CSTF3: variants seen among roughly 807,000 people sequenced by gnomAD.
The protein encoded by CSTF3 is cleavage stimulation factor subunit 3.
CSTF3 carries 29 observed loss-of-function variants against 105.8 expected under a neutral mutation model. That is an observed-to-expected ratio of 0.27 (90% CI 0.20 to 0.37). The LOEUF is 0.37. CSTF3 is among the 10% of genes least tolerant of loss of function. The pLI, the probability that CSTF3 is intolerant of heterozygous loss-of-function variation, is 1.00. For missense variants in CSTF3, 357 were observed against 879.3 expected (o/e 0.41, Z 7.51); for synonymous variants, 252 against 281.9 (o/e 0.89, Z 1.06).
chr11:33,122,705 T>C (rs1855502919), intron 3 of CSTF3, among the ~76,000 whole-genome samples: 1 of 151,642 alleles, frequency 6.6e-6, no homozygotes, highest in Non-Finnish European at 1.5e-5. Flanking sequence ...GACTGAGTCC[T>C]GGAGTTCAAG....
At chr11:33,106,227 T>C (rs1002544186) in intron 5 of CSTF3, among the ~76,000 whole-genome samples, 163 bp from the exon 6 acceptor site, 7 of 151,826 alleles carry the variant, frequency 4.6e-5, no homozygotes, top group East Asian at 1.9e-4. Flanking sequence ...CTGTGCAACA[T>C]AGCAAAACCC....
chr11:33,084,936 T>G lies in CSTF3; in HGVS notation c.*151A>C, dbSNP rs774788828. On this transcript the variant is annotated 3_prime_UTR_variant, in exon 21 of 21. Transcript: ENST00000323959. ...ATTCTAAAATTCACACAGGTTGGTT[T>G]GTTTTTTCTCAAGAACCATGTGATA... 5.1e-5 allele frequency: 42 copies of G among 825,384 alleles called. No individual in the cohort carries two copies. The Middle Eastern group carries it at 1.1e-3, about 22-fold the overall frequency. 51.1% of individuals were successfully genotyped at this position (825,384 alleles called of 1,614,324 possible). A position where few individuals can be genotyped will look rare whatever the true frequency, so the allele number is the denominator to read the frequency against.
intron 3 of CSTF3, among the ~76,000 whole-genome samples, chr11:33,127,182 T>C (rs527753704): frequency 1.3e-5 from 2 of 152,344 alleles, no homozygotes; most frequent in South Asian, 4.1e-4. Context: ...TTATCTATCA[T>C]GCAGACATTA....
chr11:33,161,453 A>T lies in CSTF3; in HGVS notation c.-128T>A. On this transcript the variant is annotated 5_prime_UTR_variant, in exon 1 of 21. In the 5' UTR this introduces an upstream ATG that the reference lacks. Coordinates refer to ENST00000323959, the MANE Select transcript of CSTF3 (RefSeq NM_001326.3). ...CAGCTGAGCCAGACCGCCAACACCA[A>T]TCGCCACCGCCCACTCAAATATGAA... 1 of 877,990 alleles carries T rather than the reference A, an allele frequency of 1.1e-6. No homozygotes were observed. Among genetic ancestry groups the T allele is most frequent in the Non-Finnish European group, 1.8e-6 (1 of 548,816 alleles). 54.4% of individuals were successfully genotyped at this position (877,990 alleles called of 1,614,324 possible). A position where few individuals can be genotyped will look rare whatever the true frequency, so the allele number is the denominator to read the frequency against.
chr11:33,096,687 C>T, intron 14 of CSTF3, 148 bp downstream of exon 14: 1 of 710,108 alleles, frequency 1.4e-6, no homozygotes, highest in Non-Finnish European at 2.3e-6. Flanking sequence ...TTGGATGATG[C>T]TCCATAAAAT....
intron 1 of CSTF3, 60 bp from the exon 2 acceptor site, chr11:33,142,046 T>C: frequency 1.9e-6 from 3 of 1,604,834 alleles, no homozygotes; most frequent in Non-Finnish European, 2.6e-6. Flanking sequence ...ATGCCTAACT[T>C]AATTCATGAA....
intron 5 of CSTF3, among the ~76,000 whole-genome samples, chr11:33,107,385 G>T (rs1468437874): frequency 1.3e-5 from 2 of 152,116 alleles, no homozygotes; most frequent in Non-Finnish European, 2.9e-5. Flanking sequence ...TTTAGTAACA[G>T]ACATAACTTG....
At chr11:33,108,797 A>C (rs1855351525) in intron 3 of CSTF3, among the ~76,000 whole-genome samples, 2 of 152,168 alleles carry the variant, frequency 1.3e-5, no homozygotes, top group Non-Finnish European at 2.9e-5. Context: ...TCTGAGCGGC[A>C]AAAAAGATAT....
intron 20 of CSTF3, 68 bp downstream of exon 20, chr11:33,085,645 A>G: frequency 7.2e-7 from 1 of 1,382,130 alleles, no homozygotes; most frequent in East Asian, 2.3e-5. Context: ...GGCAGAGAAT[A>G]ATAATCTCTA....
intron 3 of CSTF3, among the ~76,000 whole-genome samples, chr11:33,134,771 T>C (rs1043258264): frequency 6.6e-6 from 1 of 152,074 alleles, no homozygotes; most frequent in African/African-American, 2.4e-5. Flanking sequence ...TTTAAAATGG[T>C]TGAGAAACAC....
intron 3 of CSTF3, chr11:33,136,310 A>T (rs1328405047): frequency 6.6e-6 from 1 of 152,044 alleles, no homozygotes; most frequent in Non-Finnish European, 1.5e-5. Flanking sequence ...TGCTAGGAGC[A>T]AACCGGTTTA....
intron 1 of CSTF3, among the ~76,000 whole-genome samples, chr11:33,155,988 A>C (rs935720981): frequency 6.6e-6 from 1 of 152,220 alleles, no homozygotes; most frequent in Non-Finnish European, 1.5e-5. Context: ...TCCCTGAAAT[A>C]ATGTTGAAGG....
intron 7 of CSTF3, 68 bp from the exon 8 acceptor site, chr11:33,105,761 T>C (rs1390330889): frequency 1.3e-6 from 2 of 1,553,708 alleles, no homozygotes; most frequent in Admixed American, 1.8e-5. Context: ...GCAATCTCAC[T>C]ACTGGATATC....
chr11:33,134,539 C>A (rs961605103), intron 3 of CSTF3: 18 of 152,160 alleles, frequency 1.2e-4, no homozygotes, highest in African/African-American at 3.9e-4. Flanking sequence ...TGACACTGCA[C>A]TTCTGTAATA....
chr11:33,128,968 C>T (rs1432112846), intron 3 of CSTF3, among the ~76,000 whole-genome samples: 1 of 152,136 alleles, frequency 6.6e-6, no homozygotes, highest in Non-Finnish European at 1.5e-5. Flanking sequence ...ACTCACCATC[C>T]CCCATCTTCC....
At chr11:33,158,413 C>A (rs1849893535) in intron 1 of CSTF3, among the ~76,000 whole-genome samples, 1 of 151,962 alleles carries the variant, frequency 6.6e-6, no homozygotes, top group South Asian at 2.1e-4. Context: ...GTCTTTTTTG[C>A]AGAAAGTATG....
In CSTF3 at chr11:33,099,357, T is replaced by C. The variant is rs1160499088; in HGVS notation, c.937-207A>G. Among the ~76,000 whole-genome samples the C allele has an allele frequency of 6.6e-6, 1 of 152,226 alleles. No homozygotes were observed. On this transcript the variant is annotated intron_variant, in intron 11 of 20. Transcript: ENST00000323959. The surrounding 1 kb of genome is among the most constrained non-coding windows in gnomAD (Gnocchi z 4.1). ...AAAAAAATTCCAAAAACTCCTTTCATTATTTTAACTTACAAAATAACCATG... is the reference window on the plus strand; with the variant it reads ...AAAAAAATTCCAAAAACTCCTTTCACTATTTTAACTTACAAAATAACCATG...
Position 33,161,334 on chromosome 11 carries a change from C to A in CSTF3, c.-9G>T. The A allele has an allele frequency of 6.2e-7, 1 of 1,612,680 alleles. No homozygotes were observed. The highest frequency in any genetic ancestry group is 1.3e-5 in the African/African-American group (1 of 75,036). The stretch of plus-strand genomic sequence containing the variant: ...GCTCCGTCTCCTGACATGGCCTCAG[C>A]TGATTACAACGTGCGCACTGACCGT... On this transcript the variant is annotated 5_prime_UTR_variant, in exon 1 of 21. Transcript: ENST00000323959.
intron 18 of CSTF3, among the ~76,000 whole-genome samples, chr11:33,086,709 A>C (rs754136092): frequency 6.6e-6 from 1 of 152,212 alleles, no homozygotes; most frequent in Non-Finnish European, 1.5e-5. Flanking sequence ...AAGTGCCAGG[A>C]TTATAAGTGT....
Sources: gnomAD v4.1 joint callset for allele counts (sites outside exome capture counted in the v4.1 genomes callset) on GRCh38, gnomAD v4.1.1 for gene constraint, Gnocchi (gnomAD v3.1) non-coding constraint, MANE v1.5 for transcripts, NCBI Gene and HGNC (gene_info 2026-07-23, HGNC 2026-07-21) for gene names.